Variants in JCAD observed in about 807,000 individuals in gnomAD.
JCAD encodes the protein junctional cadherin 5-associated protein.
In JCAD, 40 loss-of-function variants were observed where a neutral mutation model predicts 98.0. The observed-to-expected ratio is 0.41, with a 90% CI of 0.32 to 0.53. The LOEUF (loss-of-function observed/expected upper bound fraction) is 0.53, where lower values mean the gene tolerates loss of function less well. Among genes scored for constraint, JCAD ranks in the 20% least tolerant of loss-of-function variants. The pLI is 0.31. For missense variants in JCAD, 1,705 were observed against 1,738.1 expected (o/e 0.98, Z 0.34); for synonymous variants, 691 against 682.3 (o/e 1.01, Z -0.20).
chr10:30,092,047 A>AT (rs1838278162), intron 1 of JCAD, among the ~76,000 whole-genome samples: 8 of 39,680 alleles, frequency 2.0e-4, no homozygotes, highest in Admixed American at 1.1e-3. Flanking sequence ...AAAAAAAAAA[A>AT]AAAAAAAAAA....
At chr10:30,036,172 A>C (rs914582210) in intron 2 of JCAD, among the ~76,000 whole-genome samples, 3 of 152,234 alleles carry the variant, frequency 2.0e-5, no homozygotes, top group African/African-American at 7.2e-5. Context: ...GGCTGGGCAC[A>C]GTGGCTCACG....
At chr10:30,085,145 G>A (rs1481166540) in intron 1 of JCAD, among the ~76,000 whole-genome samples, 1 of 152,058 alleles carries the variant, frequency 6.6e-6, no homozygotes, top group African/African-American at 2.4e-5. Flanking sequence ...TATGAACTCA[G>A]GTTTGGTGTT....
chr10:30,098,054 T>C (rs1054950810), intron 1 of JCAD, among the ~76,000 whole-genome samples: 3 of 152,110 alleles, frequency 2.0e-5, no homozygotes, highest in African/African-American at 7.2e-5. Context: ...TGGGTGAGTT[T>C]TGGTTATCTG....
chr10:30,045,183 C>T (rs1837310724), intron 2 of JCAD, among the ~76,000 whole-genome samples: 1 of 152,056 alleles, frequency 6.6e-6, no homozygotes, highest in Non-Finnish European at 1.5e-5. Flanking sequence ...AAGTCCTGAG[C>T]GAGTTGTGGA....
Position 30,027,917 on chromosome 10 carries a change from C to T in JCAD, c.2231G>A (p.Arg744Lys). ...TAFPTGDHKQ[R>K]PSARNLKGHR... is the part of the protein sequence containing the mutation. ...ACCTTTCAGGTTACGGGCACTTGGC[C>T]TCTGTTTGTGATCACCGGTAGGGAA... Residue 744 changes from arginine to lysine, a missense_variant, in exon 3 of 4, where the codon AGG becomes AAG. Arg to Lys is a conservative substitution (Grantham distance 26). Around this residue, in one of 3 missense-constraint regions of JCAD, gnomAD observed 1,278 missense variants for 1,243.1 expected, o/e 1.03. Transcript: ENST00000375377. 1.2e-6 allele frequency: 2 copies of T among 1,614,200 alleles called. No homozygotes were observed. Among genetic ancestry groups the T allele is most frequent in the South Asian group, 1.1e-5 (1 of 91,082 alleles).
chr10:30,104,039 T>C (rs988960355), intron 1 of JCAD, among the ~76,000 whole-genome samples: 3 of 152,168 alleles, frequency 2.0e-5, no homozygotes, highest in African/African-American at 4.8e-5. Context: ...ATAGTTCTGG[T>C]TGGAACTAGC....
At chr10:30,048,863 C>A (rs1341063788) in intron 1 of JCAD, among the ~76,000 whole-genome samples, 1 of 152,152 alleles carries the variant, frequency 6.6e-6, no homozygotes, top group Non-Finnish European at 1.5e-5. Context: ...CCACCACACC[C>A]GGCCTCCTTA....
intron 1 of JCAD, among the ~76,000 whole-genome samples, chr10:30,054,530 T>A (rs920050449): frequency 4.0e-5 from 6 of 151,766 alleles, no homozygotes; most frequent in Non-Finnish European, 7.4e-5. Flanking sequence ...AATATAACAA[T>A]ATTGTTTCAT....
chr10:30,055,613 GA>G (rs1837555480), intron 1 of JCAD, among the ~76,000 whole-genome samples: 1 of 152,202 alleles, frequency 6.6e-6, no homozygotes. Context: ...CACGTGTGAT[GA>G]CCAACTCTGC....
chr10:30,090,801 C>G (rs1005193854), intron 1 of JCAD, among the ~76,000 whole-genome samples: 1 of 152,128 alleles, frequency 6.6e-6, no homozygotes, highest in African/African-American at 2.4e-5. Context: ...ATTGTCTGTC[C>G]GTTAGCTTCT....
intron 1 of JCAD, chr10:30,115,289 C>T (rs570973312): frequency 2.0e-5 from 3 of 152,126 alleles, no homozygotes; most frequent in Non-Finnish European, 1.5e-5. Context: ...AAGCAGCTGC[C>T]GTTTTTCAGT....
chr10:30,018,366 C>T (rs1466605398), intron 3 of JCAD, among the ~76,000 whole-genome samples: 1 of 150,312 alleles, frequency 6.7e-6, no homozygotes. Context: ...TGTGATCAAA[C>T]GCTGTCCCTT....
chr10:30,029,804 T>G lies in JCAD; in HGVS notation c.344A>C (p.Tyr115Ser), dbSNP rs1288338632. ...GGCTTCTTGCCGTCCTCTTCTCCGG[T>G]AGGCTTGGTCGTTACCAGTCGGGGG... ...SHPPTGNDQAYRRRGRQEARS... is the reference protein window; with the variant it reads ...SHPPTGNDQASRRRGRQEARS... The change falls in exon 3 of 4, where the codon TAC becomes TCC. Residue 115 changes from tyrosine to serine, a missense_variant. Physicochemically the swap from Tyr to Ser is moderately radical, Grantham distance 144. Transcript: ENST00000375377. The G allele has an allele frequency of 1.2e-6, 2 of 1,614,202 alleles. No individual in the cohort carries two copies. The highest frequency in any genetic ancestry group is 1.7e-6 in the Non-Finnish European group (2 of 1,180,030).
intron 1 of JCAD, among the ~76,000 whole-genome samples, chr10:30,103,525 AATGTTAAAATTG>A (rs1186271374): frequency 2.0e-5 from 3 of 152,240 alleles, no homozygotes; most frequent in African/African-American, 2.4e-5. Context: ...ATAAATGTTA[AATGTTAAAATTG>A]ATGTTAAAAT....
In JCAD at chr10:30,017,613, G is replaced by C; in HGVS notation, c.*270C>G. 1 of 542,656 alleles carries C rather than the reference G, an allele frequency of 1.8e-6. No homozygotes were observed. Among genetic ancestry groups the C allele is most frequent in the East Asian group, 3.2e-5 (1 of 31,236 alleles). The allele number at this position is 542,656 out of a possible 1,614,324, so 33.6% of individuals were successfully genotyped here. A position where few individuals can be genotyped will look rare whatever the true frequency, so the allele number is the denominator to read the frequency against. ...GCTTAGTCAAATCTGTCATGAGGGAGGGTTTCTGTGAAAACTCCTTCCTAA... is the reference window on the plus strand; with the variant it reads ...GCTTAGTCAAATCTGTCATGAGGGACGGTTTCTGTGAAAACTCCTTCCTAA... On this transcript the variant is annotated 3_prime_UTR_variant, in exon 4 of 4. Transcript: ENST00000375377.
chr10:30,029,313 C>T lies in JCAD; in HGVS notation c.835G>A (p.Gly279Ser), dbSNP rs369464063. ...GGCCGGGGAAATGGGGCTGAGCAGC[C>T]ACTCTTCTCAGAATTCCTCGTGGAG... ...LDSTRNSEKS[G>S]CSAPFPRPKF... The change falls in exon 3 of 4, where the codon GGC becomes AGC. Residue 279 changes from glycine (G) to serine (S), a missense_variant. Physicochemically the swap from Gly to Ser is moderately conservative, Grantham distance 56 (BLOSUM62 0). Coordinates refer to ENST00000375377, the MANE Select transcript of JCAD (RefSeq NM_020848.4). The T allele has an allele frequency of 6.2e-7, 1 of 1,614,138 alleles. No individual in the cohort carries two copies.
At chr10:30,098,418 A>G (rs1348873896) in intron 1 of JCAD, among the ~76,000 whole-genome samples, 1 of 152,028 alleles carries the variant, frequency 6.6e-6, no homozygotes, top group Non-Finnish European at 1.5e-5. Context: ...CACCACATCT[A>G]GGCCTGGTTT....
rs758635835 is a variant in JCAD at position 30,029,801 on chromosome 10, C to T, written c.347G>A (p.Arg116Gln). The part of the protein sequence containing the change: ...HPPTGNDQAY[R>Q]RRGRQEARSQ... ...CCTGGCTTCTTGCCGTCCTCTTCTC[C>T]GGTAGGCTTGGTCGTTACCAGTCGG... Residue 116 changes from arginine (R) to glutamine (Q), a missense_variant, in exon 3 of 4, where the codon CGG (arginine) becomes CAG (glutamine). This residue lies in a region of JCAD where 275 missense variants were observed against 346.9 expected (regional missense o/e 0.79). Coordinates refer to ENST00000375377, the MANE Select transcript of JCAD (RefSeq NM_020848.4). The T allele has an allele frequency of 6.5e-5, 105 of 1,614,098 alleles. No homozygotes were observed. In the East Asian group the frequency reaches 9.8e-4, roughly 15 times the overall value.
chr10:30,086,356 A>C (rs1486172688), intron 1 of JCAD, among the ~76,000 whole-genome samples: 1 of 152,240 alleles, frequency 6.6e-6, no homozygotes, highest in Non-Finnish European at 1.5e-5. Flanking sequence ...CTGACAGGGC[A>C]GAAGATAGAA....
Sources: allele counts gnomAD v4.1 joint callset (sites outside exome capture counted in the v4.1 genomes callset), GRCh38; gene constraint gnomAD v4.1.1; regional missense constraint gnomAD v4.1.1; transcripts MANE v1.5; gene names NCBI Gene and HGNC (gene_info 2026-07-23, HGNC 2026-07-21).